The following MLPH variants were observed in gnomAD, a reference collection of about 807,000 sequenced individuals.
MLPH encodes melanophilin.
A neutral mutation model predicts 72.1 loss-of-function variants in MLPH; 51 were observed. The observed-to-expected ratio is 0.71, with a 90% CI of 0.56 to 0.89. The LOEUF (loss-of-function observed/expected upper bound fraction) is 0.89. Ranked by LOEUF, MLPH falls within the 40% of genes least tolerant of loss-of-function variation. The probability of loss-of-function intolerance (pLI) is 0.00; values close to 1 mark genes in which losing one functional copy is unlikely to be tolerated. For synonymous variants in MLPH, 301 were observed against 310.1 expected (o/e 0.97, Z 0.31); for missense variants, 743 against 759.9 (o/e 0.98, Z 0.26).
intron 14 of MLPH, 115 bp downstream of exon 14, chr2:237,549,393 C>G: frequency 9.6e-7 from 1 of 1,041,818 alleles, no homozygotes; most frequent in East Asian, 2.4e-5. Flanking sequence ...TATCTCATGT[C>G]CTGACTCCCA....
chr2:237,535,241 C>T (rs1410121681), intron 9 of MLPH, among the ~76,000 whole-genome samples: 1 of 152,046 alleles, frequency 6.6e-6, no homozygotes, highest in Non-Finnish European at 1.5e-5. Context: ...ACTGAACTTG[C>T]TTTTATAACA....
chr2:237,552,515 C>A, intron 15 of MLPH, 78 bp downstream of exon 15: 3 of 1,221,528 alleles, frequency 2.5e-6, no homozygotes, highest in Non-Finnish European at 1.2e-6. Flanking sequence ...ATTAAGTCTT[C>A]AGAGCAAAGA....
At chr2:237,498,230 T>C (rs566271218) in intron 2 of MLPH, among the ~76,000 whole-genome samples, 24 of 152,344 alleles carry the variant, frequency 1.6e-4, no homozygotes, top group African/African-American at 5.3e-4. Context: ...ATTCACTTAA[T>C]GCACCAATTA....
intron 8 of MLPH, among the ~76,000 whole-genome samples, chr2:237,530,267 A>T (rs1034656580): frequency 6.6e-6 from 1 of 152,192 alleles, no homozygotes; most frequent in Admixed American, 6.5e-5. Context: ...TTCAGCAGGA[A>T]ATCTGTCCCG....
intron 2 of MLPH, among the ~76,000 whole-genome samples, chr2:237,503,256 C>G (rs1265614175): frequency 1.3e-5 from 2 of 152,324 alleles, no homozygotes; most frequent in East Asian, 3.9e-4. Flanking sequence ...AAAACAGGGA[C>G]TCCGCTGCCA....
At chr2:237,514,066 G>A (rs1222530860) in intron 4 of MLPH, among the ~76,000 whole-genome samples, 1 of 152,144 alleles carries the variant, frequency 6.6e-6, no homozygotes, top group Non-Finnish European at 1.5e-5. Context: ...TTCAAGAAAG[G>A]GTGGACTGCG....
At position 237,509,316 on chromosome 2, in the gene MLPH, G is replaced by C. The variant is rs960083603; in HGVS notation, c.111-1258G>C. On this transcript the variant is annotated intron_variant, in intron 2 of 15. Coordinates refer to ENST00000264605, the MANE Select transcript of MLPH (RefSeq NM_024101.7). ...GGACTCCTCCAGCCTGGAATGCAGG[G>C]CAGTACACATGTCCTTGTCTTTCTT... 4.6e-5 allele frequency among the ~76,000 whole-genome samples: 7 copies of C among 152,218 alleles called. 1 individual carries two copies. The highest frequency in any genetic ancestry group is 1.7e-4 in the African/African-American group (7 of 41,460).
chr2:237,496,613 T>C (rs2079541055), intron 2 of MLPH, among the ~76,000 whole-genome samples: 1 of 152,178 alleles, frequency 6.6e-6, no homozygotes, highest in Non-Finnish European at 1.5e-5. Flanking sequence ...TGATGGCCAG[T>C]TGGTTACAGC....
intron 14 of MLPH, among the ~76,000 whole-genome samples, chr2:237,551,199 G>A (rs916776600): frequency 1.4e-4 from 22 of 152,236 alleles, no homozygotes; most frequent in African/African-American, 4.1e-4. Context: ...CTCAGGAGTC[G>A]TGATCCCTCG....
In MLPH at chr2:237,518,525, G is replaced by A; in HGVS notation, c.446-14G>A. The A allele has an allele frequency of 6.2e-7, 1 of 1,603,624 alleles. No homozygotes were observed. The highest frequency in any genetic ancestry group is 8.5e-7 in the Non-Finnish European group (1 of 1,172,842). On this transcript the variant is annotated splice_polypyrimidine_tract_variant and intron_variant, in intron 4 of 15. Coordinates refer to ENST00000264605, the MANE Select transcript of MLPH (RefSeq NM_024101.7). ...GTTTGTCCTTGGGTGGAGTCATGCA[G>A]GTATCTATTGCAGCTGGGCCTGAAC... is the stretch of plus-strand genomic sequence containing the variant.
At position 237,510,210 on chromosome 2, in the gene MLPH, C is replaced by T. The variant is rs2079860173; in HGVS notation, c.111-364C>T. 1 of 349,416 alleles carries T rather than the reference C, an allele frequency of 2.9e-6. No homozygotes were observed. Among genetic ancestry groups the T allele is most frequent in the Admixed American group, 4.1e-5 (1 of 24,514 alleles). The allele number at this position is 349,416 out of a possible 1,614,324, so 21.6% of individuals were successfully genotyped here. On this transcript the variant is annotated intron_variant, in intron 2 of 15. Transcript: ENST00000264605. This position sits in a 1 kb window ranked among gnomAD's most constrained non-coding sequence, Gnocchi z 4.4. The stretch of plus-strand genomic sequence containing the variant: ...ACCAAAACAATGCTTGATCAGGAAA[C>T]ACCATCTGGCTTTGCCCCCAGGATT...
At chr2:237,542,870 T>A (rs1190430600) in intron 12 of MLPH, among the ~76,000 whole-genome samples, 1 of 17,908 alleles carries the variant, frequency 5.6e-5, no homozygotes, top group Non-Finnish European at 7.7e-5. Flanking sequence ...CAGTGGTGAG[T>A]GGGGGACAGT....
At position 237,510,986 on chromosome 2, in the gene MLPH, C is replaced by A. The variant is rs374778726; in HGVS notation, c.333-3C>A. On this transcript the variant is annotated splice_region_variant and splice_polypyrimidine_tract_variant and intron_variant, in intron 3 of 15. Coordinates refer to ENST00000264605, the MANE Select transcript of MLPH (RefSeq NM_024101.7). This position sits in a 1 kb window ranked among gnomAD's most constrained non-coding sequence, Gnocchi z 4.4. ...TGCCATGAGCCTGTGCTTGTCCCTG[C>A]AGAGTCGTGAAGATCGGCTCACTGG... The A allele has an allele frequency of 2.5e-6, 4 of 1,613,234 alleles. No individual in the cohort carries two copies. Among genetic ancestry groups the A allele is most frequent in the African/African-American group, 1.3e-5 (1 of 74,914 alleles).
chr2:237,537,327 A>G (rs2080554433), intron 9 of MLPH, among the ~76,000 whole-genome samples: 1 of 152,200 alleles, frequency 6.6e-6, no homozygotes, highest in Non-Finnish European at 1.5e-5. Context: ...AAGCGAAGAC[A>G]ATCCCTGCCT....
intron 6 of MLPH, among the ~76,000 whole-genome samples, chr2:237,521,087 G>A (rs781456763): frequency 2.0e-5 from 3 of 152,206 alleles, no homozygotes; most frequent in Non-Finnish European, 2.9e-5. Flanking sequence ...TGTTGGTGAT[G>A]AGGAATCCAG....
intron 12 of MLPH, chr2:237,545,759 G>T: frequency 2.5e-6 from 2 of 790,680 alleles, no homozygotes; most frequent in Non-Finnish European, 3.3e-6. Flanking sequence ...TCCCAGATAG[G>T]GTCATGACGG....
At chr2:237,551,151 CA>C (rs143275527) in intron 14 of MLPH, among the ~76,000 whole-genome samples, 10,317 of 152,270 alleles carry the variant, frequency 0.068, 1,164 homozygotes, top group African/African-American at 0.23. Context: ...CTTGGGCCTC[CA>C]ATCCCGGGGT....
chr2:237,496,981 G>A (rs1478509713), intron 2 of MLPH, among the ~76,000 whole-genome samples: 1 of 152,146 alleles, frequency 6.6e-6, no homozygotes, highest in Non-Finnish European at 1.5e-5. Context: ...CCAGAGACCG[G>A]TTTCATAGAA....
chr2:237,489,877 G>A (rs1277671875), intron 1 of MLPH, among the ~76,000 whole-genome samples: 1 of 152,124 alleles, frequency 6.6e-6, no homozygotes, highest in Non-Finnish European at 1.5e-5. Context: ...CTGGAATTCA[G>A]CAGTCTGGGC....
Sources: gnomAD v4.1 joint callset for allele counts (sites outside exome capture counted in the v4.1 genomes callset) on GRCh38, gnomAD v4.1.1 for gene constraint, Gnocchi (gnomAD v3.1) non-coding constraint, MANE v1.5 for transcripts, NCBI Gene and HGNC (gene_info 2026-07-23, HGNC 2026-07-21) for gene names.